IMPG1: variants seen among roughly 807,000 people sequenced by gnomAD.
IMPG1 encodes interphotoreceptor matrix proteoglycan 1, also known as interphotoreceptor matrix proteoglycan of 150 kDa.
Under a neutral mutation model 92.0 loss-of-function variants are expected in IMPG1, and 85 were observed. The observed-to-expected ratio is 0.92, with a 90% CI of 0.78 to 1.11. The LOEUF (loss-of-function observed/expected upper bound fraction) is 1.11. IMPG1 is among the 50% of genes least tolerant of loss of function. The pLI is 0.00. For synonymous variants in IMPG1, 367 were observed against 334.1 expected (o/e 1.10, Z -1.08); for missense variants, 1,022 against 956.0 (o/e 1.07, Z -0.91).
At chr6:75,987,971 A>G (rs1353366285) in intron 12 of IMPG1, among the ~76,000 whole-genome samples, 3 of 152,108 alleles carry the variant, frequency 2.0e-5, no homozygotes, top group Non-Finnish European at 2.9e-5. Flanking sequence ...TTATGGCTGC[A>G]TAGTATTCCA....
chr6:75,945,358 C>CTTTT (rs71678760), intron 14 of IMPG1, among the ~76,000 whole-genome samples: 4 of 122,796 alleles, frequency 3.3e-5, no homozygotes, highest in African/African-American at 1.2e-4. Context: ...TTTTTTTTTT[C>CTTTT]TTTTTTTTTT....
intron 1 of IMPG1, among the ~76,000 whole-genome samples, chr6:76,051,053 G>A (rs906451390): frequency 5.9e-5 from 9 of 151,996 alleles, no homozygotes; most frequent in Non-Finnish European, 1.3e-4. Flanking sequence ...TTGAGGAACA[G>A]AACTCTATAG....
rs774513998 is a variant in IMPG1 at position 75,953,859 on chromosome 6, G to A, written c.1292-2765C>T. Reference sequence around the variant, plus strand: ...CTCCTACTTATGAGTGAGAACATGCGGTGTTTGGTTTTCTGTTCTTGTGTT... The same window carrying A: ...CTCCTACTTATGAGTGAGAACATGCAGTGTTTGGTTTTCTGTTCTTGTGTT... On this transcript the variant is annotated intron_variant, in intron 12 of 16. Coordinates refer to ENST00000369950, the MANE Select transcript of IMPG1 (RefSeq NM_001563.4). 9.9e-4 allele frequency among the ~76,000 whole-genome samples: 150 copies of A among 152,000 alleles called. 2 individuals are homozygous for A. Among genetic ancestry groups the A allele is most frequent in the Non-Finnish European group, 4.6e-4 (31 of 68,022 alleles).
At chr6:76,072,315 A>G (rs1784414141) in intron 1 of IMPG1, 107 bp downstream of exon 1, 4 of 628,096 alleles carry the variant, frequency 6.4e-6, no homozygotes. Flanking sequence ...GGCCTACTAT[A>G]TACTAGCCCG....
chr6:75,970,400 A>G (rs1782391775), intron 12 of IMPG1, among the ~76,000 whole-genome samples: 1 of 151,750 alleles, frequency 6.6e-6, no homozygotes, highest in Non-Finnish European at 1.5e-5. Context: ...AGTCTAATTT[A>G]TTACACTTTC....
chr6:75,925,149 G>T (rs981444743), intron 15 of IMPG1, among the ~76,000 whole-genome samples: 1 of 152,056 alleles, frequency 6.6e-6, no homozygotes, highest in African/African-American at 2.4e-5. Context: ...AAATGTTTGA[G>T]ATGATGGGAA....
intron 12 of IMPG1, among the ~76,000 whole-genome samples, chr6:75,965,316 A>G (rs893168535): frequency 6.6e-6 from 1 of 152,044 alleles, no homozygotes; most frequent in Non-Finnish European, 1.5e-5. Context: ...CACCACCAGC[A>G]ATGTATAAGT....
Position 75,974,428 on chromosome 6 carries a change from GCTTC to G in IMPG1, c.1292-23338_1292-23335del, listed in dbSNP as rs1224488663. On this transcript the variant is annotated intron_variant, in intron 12 of 16. Coordinates refer to ENST00000369950, the MANE Select transcript of IMPG1 (RefSeq NM_001563.4). ...TCCTTCCTTCCTTCCTTCCTTCCTT[GCTTC>G]CTTCCTTCCTTCCTTCCTTCTTTCT... 2.7e-3 allele frequency among the ~76,000 whole-genome samples: 257 copies of G among 96,344 alleles called. 6 individuals are homozygous for G. The highest frequency in any genetic ancestry group is 6.3e-3 in the African/African-American group (154 of 24,478). 63.2% of individuals were successfully genotyped at this position (96,344 alleles called of 152,430 possible). A position where few individuals can be genotyped will look rare whatever the true frequency, so the allele number is the denominator to read the frequency against.
At chr6:75,974,379 C>CTTTCT (rs1554230307) in intron 12 of IMPG1, among the ~76,000 whole-genome samples, 1,421 of 87,200 alleles carry the variant, frequency 0.016, 28 homozygotes, top group Non-Finnish European at 0.023. Context: ...TTCTTTCTTT[C>CTTTCT]TTTCTTTCTT....
At chr6:76,019,228 G>C (rs2149482575) in intron 6 of IMPG1, among the ~76,000 whole-genome samples, 1 of 152,274 alleles carries the variant, frequency 6.6e-6, no homozygotes, top group South Asian at 2.1e-4. Context: ...CTTCTTGCCT[G>C]TTGGTCTGGA....
intron 1 of IMPG1, among the ~76,000 whole-genome samples, chr6:76,049,812 A>C (rs1308067415): frequency 6.6e-6 from 1 of 152,188 alleles, no homozygotes; most frequent in Non-Finnish European, 1.5e-5. Context: ...GGCATAAAGG[A>C]GGACAAGATA....
intron 12 of IMPG1, among the ~76,000 whole-genome samples, chr6:75,999,802 A>G (rs1226374442): frequency 6.6e-6 from 1 of 152,220 alleles, no homozygotes; most frequent in Non-Finnish European, 1.5e-5. Flanking sequence ...TATGAGATAT[A>G]ATTTCTACTT....
chr6:75,981,595 G>C (rs1000881143), intron 12 of IMPG1, among the ~76,000 whole-genome samples: 1 of 152,204 alleles, frequency 6.6e-6, no homozygotes, highest in Non-Finnish European at 1.5e-5. Flanking sequence ...CATAAAAAGA[G>C]AACTGGTAAG....
chr6:75,954,932 G>A lies in IMPG1; in HGVS notation c.1292-3838C>T, dbSNP rs533206858. 4.6e-5 allele frequency among the ~76,000 whole-genome samples: 7 copies of A among 152,194 alleles called. No homozygotes were observed. In the South Asian group the frequency reaches 1.4e-3, roughly 32 times the overall value. On this transcript the variant is annotated intron_variant, in intron 12 of 16. Coordinates refer to ENST00000369950, the MANE Select transcript of IMPG1 (RefSeq NM_001563.4). Reference sequence around the variant, plus strand: ...AAGATCAGATGATTGTAGATGTGTGGCATTATTTCTGAGGCCTCTGTTCTG... The same window carrying A: ...AAGATCAGATGATTGTAGATGTGTGACATTATTTCTGAGGCCTCTGTTCTG...
intron 4 of IMPG1, among the ~76,000 whole-genome samples, chr6:76,032,713 A>G (rs759755789): frequency 6.6e-6 from 1 of 152,212 alleles, no homozygotes; most frequent in Non-Finnish European, 1.5e-5. Flanking sequence ...GTGGGATTCC[A>G]CCTGGAGCTT....
chr6:76,034,899 T>C, intron 2 of IMPG1, 112 bp from the exon 3 acceptor site: 3 of 859,898 alleles, frequency 3.5e-6, no homozygotes, highest in Non-Finnish European at 5.4e-6. Context: ...ACACACTAAT[T>C]TACAGTCTCT....
intron 1 of IMPG1, among the ~76,000 whole-genome samples, chr6:76,052,237 T>A (rs1784054832): frequency 6.6e-6 from 1 of 152,156 alleles, no homozygotes; most frequent in Non-Finnish European, 1.5e-5. Context: ...AGCAGGGCCA[T>A]GTTTTCAACT....
At chr6:75,924,437 A>C (rs1188735121) in intron 15 of IMPG1, among the ~76,000 whole-genome samples, 1 of 113,982 alleles carries the variant, frequency 8.8e-6, no homozygotes, top group Non-Finnish European at 1.7e-5. Context: ...AATTAATATA[A>C]TTATATAATA....
intron 5 of IMPG1, among the ~76,000 whole-genome samples, chr6:76,023,165 C>T (rs909015335): frequency 1.3e-5 from 2 of 151,996 alleles, no homozygotes; most frequent in African/African-American, 4.8e-5. Context: ...AGTTTTTTGG[C>T]TAATAAAGTA....
Sources: allele counts gnomAD v4.1 joint callset (sites outside exome capture counted in the v4.1 genomes callset), GRCh38; gene constraint gnomAD v4.1.1; transcripts MANE v1.5; gene names NCBI Gene and HGNC (gene_info 2026-07-23, HGNC 2026-07-21).